The following MYO16 variants were observed in gnomAD, a reference collection of about 807,000 sequenced individuals.
The protein encoded by MYO16 is myosin XVI.
MYO16 carries 94 observed loss-of-function variants against 205.3 expected under a neutral mutation model. The ratio of observed to expected loss-of-function variants is 0.46; its 90% CI spans 0.39 to 0.54. MYO16 has a LOEUF of 0.54. Among genes scored for constraint, MYO16 ranks in the 20% least tolerant of loss-of-function variants. The pLI, the probability that MYO16 is intolerant of heterozygous loss-of-function variation, is 0.00. For synonymous variants in MYO16, 988 were observed against 954.0 expected (o/e 1.04, Z -0.66); for missense variants, 2,315 against 2,387.5 (o/e 0.97, Z 0.63).
intron 27 of MYO16, among the ~76,000 whole-genome samples, chr13:109,094,339 T>G (rs1888710676): frequency 6.6e-6 from 1 of 152,134 alleles, no homozygotes; most frequent in Admixed American, 6.5e-5. Context: ...GCCTCCTGAG[T>G]GGCTGGCAAT....
chr13:108,880,050 C>G (rs1026206541), intron 12 of MYO16, among the ~76,000 whole-genome samples: 20 of 152,170 alleles, frequency 1.3e-4, no homozygotes, highest in Non-Finnish European at 2.2e-4. Context: ...TAATGATCGC[C>G]ATTCTAACTG....
At chr13:108,657,613 A>G (rs1231240908) in intron 1 of MYO16, among the ~76,000 whole-genome samples, 1 of 152,086 alleles carries the variant, frequency 6.6e-6, no homozygotes, top group Non-Finnish European at 1.5e-5. Context: ...ATTTTCCTAT[A>G]TGTTAATAAG....
At chr13:108,952,046 GGTTGCA>G (rs1184754509) in intron 16 of MYO16, among the ~76,000 whole-genome samples, 2 of 151,938 alleles carry the variant, frequency 1.3e-5, no homozygotes, top group African/African-American at 4.8e-5. Context: ...GGGAGGCGGA[GGTTGCA>G]GTGAGCTGAG....
upstream of MYO16, among the ~76,000 whole-genome samples, chr13:108,592,766 G>A (rs901123795): frequency 6.8e-6 from 1 of 146,506 alleles, no homozygotes; most frequent in Non-Finnish European, 1.5e-5. Flanking sequence ...GTATGGTTAG[G>A]GACCTGGCAT....
intron 16 of MYO16, among the ~76,000 whole-genome samples, chr13:108,920,399 C>T (rs1881690514): frequency 6.8e-6 from 1 of 146,024 alleles, no homozygotes; most frequent in South Asian, 2.2e-4. Flanking sequence ...TCCTTCCTTC[C>T]TTCCTTCTCT....
chr13:108,742,340 TG>T (rs1323810542), intron 4 of MYO16, among the ~76,000 whole-genome samples: 2 of 152,110 alleles, frequency 1.3e-5, no homozygotes, highest in Non-Finnish European at 2.9e-5. Context: ...AGGTTGGCAG[TG>T]GTGTGAAATC....
intron 11 of MYO16, among the ~76,000 whole-genome samples, chr13:108,858,852 G>A (rs572724594): frequency 1.2e-4 from 19 of 152,220 alleles, no homozygotes; most frequent in Admixed American, 4.6e-4. Flanking sequence ...AATTTCTGAC[G>A]TCAGATGCTG....
chr13:108,916,826 T>G (rs1252922271), intron 16 of MYO16, among the ~76,000 whole-genome samples: 1 of 152,156 alleles, frequency 6.6e-6, no homozygotes, highest in Non-Finnish European at 1.5e-5. Context: ...TCAAGGATAT[T>G]TAGCTGGAAT....
intron 2 of MYO16, among the ~76,000 whole-genome samples, chr13:108,675,420 G>A (rs145761236): frequency 1.2e-4 from 18 of 152,140 alleles, no homozygotes; most frequent in Non-Finnish European, 2.4e-4. Context: ...CAAATTAATT[G>A]CATTTAAATT....
intron 16 of MYO16, among the ~76,000 whole-genome samples, chr13:108,946,420 T>C (rs1023114038): frequency 2.0e-5 from 3 of 152,170 alleles, no homozygotes; most frequent in African/African-American, 7.2e-5. Context: ...CTTCCAGATA[T>C]ACTGGGAACC....
At chr13:108,983,558 T>C (rs571849123) in intron 20 of MYO16, among the ~76,000 whole-genome samples, 19 of 152,268 alleles carry the variant, frequency 1.2e-4, no homozygotes, top group African/African-American at 3.8e-4. Context: ...AACTCTTCAA[T>C]AGCCTATTTA....
the MYO16 span, among the ~76,000 whole-genome samples, chr13:108,588,084 C>G: frequency 2.0e-5 from 3 of 152,068 alleles, no homozygotes; most frequent in African/African-American, 7.2e-5. Context: ...AGGAATAACA[C>G]CCTTTAAAAT....
intron 7 of MYO16, among the ~76,000 whole-genome samples, chr13:108,807,352 G>C (rs1385468233): frequency 1.3e-5 from 2 of 152,062 alleles, no homozygotes; most frequent in Non-Finnish European, 2.9e-5. Context: ...AGAATGGAAA[G>C]AGTTTGCATT....
intron 16 of MYO16, among the ~76,000 whole-genome samples, chr13:108,935,939 T>A (rs73616426): frequency 0.024 from 3,583 of 152,156 alleles, 140 homozygotes; most frequent in African/African-American, 0.078. Context: ...CATTTATTGA[T>A]TTGTGTATAT....
chr13:109,030,266 C>A (rs1437072917), intron 23 of MYO16, among the ~76,000 whole-genome samples: 1 of 151,846 alleles, frequency 6.6e-6, no homozygotes, highest in Non-Finnish European at 1.5e-5. Context: ...ATCAGTTTAC[C>A]ACTACAGAAG....
chr13:109,098,986 A>G (rs1329503624), intron 27 of MYO16, among the ~76,000 whole-genome samples: 1 of 152,178 alleles, frequency 6.6e-6, no homozygotes, highest in Non-Finnish European at 1.5e-5. Context: ...ACGACCCTAG[A>G]ATGTTCGACC....
chr13:108,972,239 C>CTATATATA, intron 20 of MYO16, among the ~76,000 whole-genome samples: 2 of 15,476 alleles, frequency 1.3e-4, no homozygotes, highest in African/African-American at 4.4e-4. Flanking sequence ...CTCTCTCTCT[C>CTATATATA]TCTCTCTCTC....
intron 6 of MYO16, among the ~76,000 whole-genome samples, chr13:108,796,209 G>A (rs9555507): frequency 0.41 from 61,821 of 151,964 alleles, 12,771 homozygotes; most frequent in Middle Eastern, 0.5. Context: ...AGCCTGCTCC[G>A]TTTTAAAAGG....
At chr13:108,529,931 T>C in the MYO16 span, among the ~76,000 whole-genome samples, 9 of 152,282 alleles carry the variant, frequency 5.9e-5, no homozygotes, top group Admixed American at 3.3e-4. Context: ...GGGGATTTGA[T>C]TGAAGAATAT....
Sources: allele counts gnomAD v4.1 joint callset (sites outside exome capture counted in the v4.1 genomes callset), GRCh38; gene constraint gnomAD v4.1.1; transcripts MANE v1.5; gene names NCBI Gene and HGNC (gene_info 2026-07-23, HGNC 2026-07-21).